SLC30A8: variants seen among roughly 807,000 people sequenced by gnomAD.
SLC30A8 encodes proton-coupled zinc antiporter SLC30A8.
A neutral mutation model predicts 36.9 loss-of-function variants in SLC30A8; 27 were observed. The ratio of observed to expected loss-of-function variants is 0.73; its 90% confidence interval spans 0.54 to 1.01. SLC30A8 has a LOEUF of 1.01. Among genes scored for constraint, SLC30A8 ranks in the 50% least tolerant of loss-of-function variants. The pLI, the probability that SLC30A8 is intolerant of heterozygous loss-of-function variation, is 0.00. For missense variants in SLC30A8, 439 were observed against 452.0 expected (o/e 0.97, Z 0.26); for synonymous variants, 164 against 172.4 (o/e 0.95, Z 0.38).
chr8:117,172,750 A>G lies in SLC30A8; in HGVS notation c.*69A>G, dbSNP rs1042225991. On this transcript the variant is annotated 3_prime_UTR_variant, in exon 8 of 8. Transcript: ENST00000456015. ...AAACATGCTGCTATGCAGTTTCTGC[A>G]TCATAGAAAATAAGGAACCAAAGGA... is the stretch of plus-strand genomic sequence containing the variant. The G allele has an allele frequency of 3.9e-6, 6 of 1,550,436 alleles. No individual in the cohort carries two copies. Among genetic ancestry groups the G allele is most frequent in the African/African-American group, 1.4e-5 (1 of 72,700 alleles).
At chr8:117,096,609 T>G (rs1433425650) in intron 2 of SLC30A8, among the ~76,000 whole-genome samples, 1 of 149,244 alleles carries the variant, frequency 6.7e-6, no homozygotes, top group Non-Finnish European at 1.5e-5. Context: ...GTTATAAAAT[T>G]ACTAGTGTAA....
chr8:117,045,012 C>T (rs943530314), intron 2 of SLC30A8, among the ~76,000 whole-genome samples: 1 of 152,234 alleles, frequency 6.6e-6, no homozygotes, highest in Non-Finnish European at 1.5e-5. Context: ...GGGAATTTAA[C>T]ACTGGCCTGC....
chr8:117,098,304 A>G (rs1168472992), intron 2 of SLC30A8, among the ~76,000 whole-genome samples: 1 of 151,890 alleles, frequency 6.6e-6, no homozygotes, highest in Non-Finnish European at 1.5e-5. Flanking sequence ...ATAAGGCCAA[A>G]GACATGCATT....
At chr8:117,151,715 G>T (rs1371882232) in intron 2 of SLC30A8, among the ~76,000 whole-genome samples, 1 of 152,164 alleles carries the variant, frequency 6.6e-6, no homozygotes, top group African/African-American at 2.4e-5. Context: ...TGATTGCAGC[G>T]TACTGCTTAT....
chr8:117,009,100 G>T (rs951781577), intron 1 of SLC30A8, among the ~76,000 whole-genome samples: 1 of 152,170 alleles, frequency 6.6e-6, no homozygotes, highest in African/African-American at 2.4e-5. Context: ...CAAGGACTTA[G>T]TAATCAAAAT....
At chr8:117,096,566 T>C (rs1396220403) in intron 2 of SLC30A8, among the ~76,000 whole-genome samples, 2 of 152,186 alleles carry the variant, frequency 1.3e-5, no homozygotes, top group Non-Finnish European at 2.9e-5. Flanking sequence ...CAGACTCAGA[T>C]ACTGTTCTGG....
Position 116,984,104 on chromosome 8 carries a change from GT to G in SLC30A8, c.-266+32986del, listed in dbSNP as rs1461558930. Among the ~76,000 whole-genome samples, 3 of 152,064 alleles carry G rather than the reference GT, an allele frequency of 2.0e-5. No homozygotes were observed. The East Asian group carries it at 5.8e-4, about 29-fold the overall frequency. On this transcript the variant is annotated intron_variant, in intron 1 of 10. Coordinates refer to the SLC30A8 transcript ENST00000427715. ...ATATAACATGCAACCCTTTGAAACT[GT>G]GTTTTTTCATTCAGATTGTTGTGTG...
chr8:116,953,678 G>A (rs979861136), intron 1 of SLC30A8, among the ~76,000 whole-genome samples: 2 of 151,980 alleles, frequency 1.3e-5, no homozygotes, highest in East Asian at 3.9e-4. Context: ...TAATTTGCAG[G>A]CACTCATGTC....
chr8:117,163,830 A>G (rs905359174), intron 6 of SLC30A8: 17 of 196,308 alleles, frequency 8.7e-5, no homozygotes, highest in African/African-American at 1.6e-4. Flanking sequence ...AAGACCTAAG[A>G]AAAAAAACTA....
chr8:117,070,753 C>T (rs1818306293), intron 2 of SLC30A8, among the ~76,000 whole-genome samples: 1 of 152,188 alleles, frequency 6.6e-6, no homozygotes, highest in Non-Finnish European at 1.5e-5. Flanking sequence ...CACACTTCCC[C>T]AGCCTCATGT....
chr8:117,023,568 G>A (rs1442454155), intron 1 of SLC30A8, among the ~76,000 whole-genome samples: 1 of 152,100 alleles, frequency 6.6e-6, no homozygotes, highest in South Asian at 2.1e-4. Context: ...CATGTATTTT[G>A]TAGGGACATG....
intron 1 of SLC30A8, among the ~76,000 whole-genome samples, chr8:116,961,680 C>G (rs1814429272): frequency 6.6e-6 from 1 of 151,812 alleles, no homozygotes; most frequent in Non-Finnish European, 1.5e-5. Flanking sequence ...AGATTAAGGC[C>G]CTGGCCTCTG....
chr8:117,050,083 A>G (rs985158593), intron 2 of SLC30A8, among the ~76,000 whole-genome samples: 1 of 152,188 alleles, frequency 6.6e-6, no homozygotes, highest in Non-Finnish European at 1.5e-5. Flanking sequence ...AGGCAACAGC[A>G]TGCTCTCTTC....
chr8:117,032,012 G>A (rs148285368), intron 1 of SLC30A8, among the ~76,000 whole-genome samples: 83 of 152,124 alleles, frequency 5.5e-4, no homozygotes, highest in African/African-American at 1.9e-3. Flanking sequence ...TTCTAAACTT[G>A]ATTATTTAAG....
intron 2 of SLC30A8, among the ~76,000 whole-genome samples, chr8:117,077,105 C>T (rs897245640): frequency 6.6e-6 from 1 of 152,190 alleles, no homozygotes; most frequent in African/African-American, 2.4e-5. Context: ...TGTTTACACT[C>T]ATGCAAACTG....
At chr8:117,073,184 A>G (rs1171778505) in intron 2 of SLC30A8, among the ~76,000 whole-genome samples, 1 of 152,018 alleles carries the variant, frequency 6.6e-6, no homozygotes, top group Non-Finnish European at 1.5e-5. Flanking sequence ...AGTGCACACT[A>G]CTTCTAAGAC....
intron 2 of SLC30A8, among the ~76,000 whole-genome samples, chr8:117,095,898 C>CTG (rs1295281060): frequency 6.6e-6 from 1 of 152,084 alleles, no homozygotes; most frequent in East Asian, 1.9e-4. Context: ...GTATAAAAAC[C>CTG]TGTGATATCA....
intron 7 of SLC30A8, 99 bp from the exon 8 acceptor site, chr8:117,172,437 C>A: frequency 6.5e-7 from 1 of 1,539,490 alleles, no homozygotes; most frequent in Non-Finnish European, 9.0e-7. Context: ...CTCTGCCCCA[C>A]CCCAGCAGGT....
intron 2 of SLC30A8, among the ~76,000 whole-genome samples, chr8:117,062,232 G>C (rs1249912657): frequency 6.6e-6 from 1 of 152,196 alleles, no homozygotes; most frequent in Non-Finnish European, 1.5e-5. Context: ...AGAATGGCAT[G>C]TGTGTTAGTT....
Sources: gnomAD v4.1 joint callset for allele counts (sites outside exome capture counted in the v4.1 genomes callset) on GRCh38, gnomAD v4.1.1 for gene constraint, MANE v1.5 for transcripts, NCBI Gene and HGNC (gene_info 2026-07-23, HGNC 2026-07-21) for gene names.